The following PARP10 variants were observed in gnomAD, a reference collection of about 807,000 sequenced individuals.
The protein encoded by PARP10 is poly(ADP-ribose) polymerase family member 10, also known as protein mono-ADP-ribosyltransferase PARP10.
In PARP10, 56 loss-of-function variants were observed where a neutral mutation model predicts 82.4. That is an observed-to-expected ratio of 0.68 (90% CI 0.55 to 0.85). The LOEUF is 0.85. Ranked by LOEUF, PARP10 falls within the 40% of genes least tolerant of loss-of-function variation. PARP10 has a pLI of 0.00. For missense variants in PARP10, 1,227 were observed against 1,379.4 expected, an observed-to-expected ratio of 0.89 and a Z score of 1.75; for synonymous variants, 576 against 601.1, an observed-to-expected ratio of 0.96 and a Z score of 0.61.
At chr8:143,981,224 C>T (rs912972013) in intron 9 of PARP10, among the ~76,000 whole-genome samples, 8 of 152,116 alleles carry the variant, frequency 5.3e-5, no homozygotes, top group Middle Eastern at 3.4e-3. Context: ...TGGCGGTGAG[C>T]GGTGACGGTG....
chr8:144,009,089 G>A lies in PARP10; in HGVS notation c.-80+3441C>T, dbSNP rs913351952. Among the ~76,000 whole-genome samples, 44 of 152,138 alleles carry A rather than the reference G, an allele frequency of 2.9e-4. 1 individual carries two copies. Among genetic ancestry groups the A allele is most frequent in the African/African-American group, 8.7e-4 (36 of 41,422 alleles). On this transcript the variant is annotated intron_variant, in intron 1 of 3. Coordinates refer to the PARP10 transcript ENST00000530478. ...TCCCTGGCACCAGGCTACAAGAGGA[G>A]GAAGAGAACAGTGAAAGAGGAACCC...
At chr8:143,991,711 C>T (rs1554750531), upstream of PARP10, 1 of 1,612,252 alleles carries the variant, frequency 6.2e-7, no homozygotes, top group African/African-American at 1.3e-5. Context: ...ATGGAAACTA[C>T]CAGGAGGAGG....
intron 1 of PARP10, chr8:144,012,475 G>C: frequency 6.5e-7 from 1 of 1,536,322 alleles, no homozygotes; most frequent in Non-Finnish European, 8.8e-7. Flanking sequence ...TCCAGGTGCA[G>C]TGCCCTCCCG....
At position 143,985,014 on chromosome 8, in the gene PARP10, G is replaced by T. The variant is rs1292576418; in HGVS notation, c.988C>A (p.Gln330Lys). ...CCTGTCCTCAGAGAGGTCCCTGACT[G>T]CCCTGGTTCCTGGCCAGAGCCTGTT... is the stretch of plus-strand genomic sequence containing the variant. ...MTTGSGQEPG[Q>K]SGTSLRTGPM... The change falls in exon 5 of 11, where the codon CAG becomes AAG. Residue 330 changes from glutamine (Q) to lysine (K), a missense_variant. Physicochemically the swap from Gln to Lys is moderately conservative, Grantham distance 53. Transcript: ENST00000313028. 9.3e-6 allele frequency: 15 copies of T among 1,613,774 alleles called. No individual in the cohort carries two copies. The highest frequency in any genetic ancestry group is 1.3e-5 in the African/African-American group (1 of 74,894).
chr8:143,984,898 C>T lies in PARP10; in HGVS notation c.1104G>A (p.Val368=). ...TGGGCCCCTCCTGTTCCTGCAACCCCACAGGCCTCAGGCTTACCAGCCCCT... is the reference window on the plus strand; with the variant it reads ...TGGGCCCCTCCTGTTCCTGCAACCCTACAGGCCTCAGGCTTACCAGCCCCT... ...EHEGLVSLRP[V]GLQEQEGPMS... The change falls in exon 5 of 11, where the codon GTG becomes GTA. Residue 368 remains valine (V), a synonymous_variant. Transcript: ENST00000313028. 1 of 1,614,000 alleles carries T rather than the reference C, an allele frequency of 6.2e-7. No individual in the cohort carries two copies. The highest frequency in any genetic ancestry group is 8.5e-7 in the Non-Finnish European group (1 of 1,179,994).
chr8:143,990,309 C>T (rs1307383521), upstream of PARP10: 1 of 150,292 alleles, frequency 6.7e-6, no homozygotes, highest in Non-Finnish European at 1.5e-5. This position sits in a 1 kb window ranked among gnomAD's most constrained non-coding sequence, Gnocchi z 5.6. Flanking sequence ...GTGGCCGCCT[C>T]GGGTCAGTAA....
At chr8:143,980,346 A>AC (rs1833822704) in intron 9 of PARP10, among the ~76,000 whole-genome samples, 1 of 146,816 alleles carries the variant, frequency 6.8e-6, no homozygotes, top group East Asian at 2.0e-4. Context: ...AAAAAAAAAA[A>AC]AAAAACCATC....
At chr8:143,994,394 A>G (rs1425710275), upstream of PARP10, among the ~76,000 whole-genome samples, 1 of 150,590 alleles carries the variant, frequency 6.6e-6, no homozygotes, top group Non-Finnish European at 1.5e-5. Flanking sequence ...CCCGCCCTCC[A>G]CCAGGACCCT....
intron 1 of PARP10, among the ~76,000 whole-genome samples, chr8:144,004,578 C>T (rs1033700855): frequency 6.6e-6 from 1 of 152,218 alleles, no homozygotes; most frequent in Admixed American, 6.5e-5. Flanking sequence ...CACCACTCCC[C>T]AGGCTAGGGC....
chr8:144,012,480 C>G (rs1275558043), intron 1 of PARP10: 1 of 1,543,410 alleles, frequency 6.5e-7, no homozygotes, highest in Non-Finnish European at 8.8e-7. Flanking sequence ...GTGCAGTGCC[C>G]TCCCGTGGGC....
At chr8:143,996,063 A>G (rs892402481), upstream of PARP10, among the ~76,000 whole-genome samples, 2 of 152,166 alleles carry the variant, frequency 1.3e-5, no homozygotes, top group Admixed American at 6.5e-5. Context: ...CAGATTACTC[A>G]AGCCAAATCC....
At chr8:143,991,803 A>G, upstream of PARP10, 1 of 1,611,894 alleles carries the variant, frequency 6.2e-7, no homozygotes, top group Non-Finnish European at 8.5e-7. Context: ...TTCATCCGCA[A>G]GGTGGGTAGG....
In PARP10 at chr8:143,985,933, C is replaced by A; in HGVS notation, c.224G>T (p.Gly75Val). 1 of 1,579,574 alleles carries A rather than the reference C, an allele frequency of 6.3e-7. No individual in the cohort carries two copies. The highest frequency in any genetic ancestry group is 1.3e-5 in the African/African-American group (1 of 74,356). ...VLAQADHELH[G>V]AQLSLRPAPP... ...AGCTGGCCGCAGGCTCAGCTGGGCA[C>A]CATGTAGTTCGTGATCTGCCTGGGC... Residue 75 changes from glycine (G) to valine (V), a missense_variant, in exon 3 of 11, where the codon GGT becomes GTT. By Grantham distance (109) the Gly-to-Val change is moderately radical. Coordinates refer to ENST00000313028, the MANE Select transcript of PARP10 (RefSeq NM_032789.5).
At chr8:143,995,032 A>G (rs1245912305), upstream of PARP10, among the ~76,000 whole-genome samples, 5 of 152,202 alleles carry the variant, frequency 3.3e-5, no homozygotes, top group South Asian at 4.1e-4. Flanking sequence ...TGAGACGGAC[A>G]CAAACTCTTG....
chr8:143,982,709 C>G (rs1052020167), intron 9 of PARP10, among the ~76,000 whole-genome samples: 1 of 152,228 alleles, frequency 6.6e-6, no homozygotes, highest in Non-Finnish European at 1.5e-5. Context: ...AGTGGGGACC[C>G]TCACTCAGGC....
At chr8:144,003,283 C>G (rs185241627) in intron 1 of PARP10, among the ~76,000 whole-genome samples, 1 of 152,106 alleles carries the variant, frequency 6.6e-6, no homozygotes, top group Non-Finnish European at 1.5e-5. Flanking sequence ...ATTAGCCAGG[C>G]ATGGTGGCAC....
Position 143,983,315 on chromosome 8 carries a change from A to G in PARP10, c.2274T>C (p.His758=). ...CACCACGCAGGGCAACACTCACACC[A>G]TGGCACCGCTCCAGGCGAGCACGCA... ...AELRARLERC[H]GVSVALRGDC... The change falls in exon 8 of 11, where the codon CAT becomes CAC. Residue 758 remains histidine, a synonymous_variant. Coordinates refer to ENST00000313028, the MANE Select transcript of PARP10 (RefSeq NM_032789.5). 2 of 1,612,282 alleles carry G rather than the reference A, an allele frequency of 1.2e-6. No individual in the cohort carries two copies. Among genetic ancestry groups the G allele is most frequent in the Non-Finnish European group, 1.7e-6 (2 of 1,179,694 alleles).
At chr8:143,991,879 T>G (rs1554750565), upstream of PARP10, 1 of 1,610,510 alleles carries the variant, frequency 6.2e-7, no homozygotes, top group Non-Finnish European at 8.5e-7. Context: ...CTTCCCCAGG[T>G]GTTCCTAGTG....
chr8:143,984,527 C>G lies in PARP10; in HGVS notation c.1458+17G>C. On this transcript the variant is annotated intron_variant, in intron 5 of 10. Coordinates refer to ENST00000313028, the MANE Select transcript of PARP10 (RefSeq NM_032789.5). ...GAGGAGGGGGCTGAAGGTGAGGAGT[C>G]CTGAGGGGTCACTCACCCGAAAGCC... 1 of 1,601,800 alleles carries G rather than the reference C, an allele frequency of 6.2e-7. No individual in the cohort carries two copies. The highest frequency in any genetic ancestry group is 1.1e-5 in the South Asian group (1 of 89,392).
Sources: gnomAD v4.1 joint callset for allele counts (sites outside exome capture counted in the v4.1 genomes callset) on GRCh38, gnomAD v4.1.1 for gene constraint, Gnocchi (gnomAD v3.1) non-coding constraint, MANE v1.5 for transcripts, NCBI Gene and HGNC (gene_info 2026-07-23, HGNC 2026-07-21) for gene names.